Variants in WDR7 observed in about 807,000 individuals in gnomAD.
The protein encoded by WDR7 is WD repeat domain 7, also known as WD repeat-containing protein 7.
WDR7 carries 46 observed loss-of-function variants against 169.4 expected under a neutral mutation model. That is an observed-to-expected ratio of 0.27 (90% CI 0.21 to 0.35). The LOEUF (loss-of-function observed/expected upper bound fraction) is 0.35, where lower values mean the gene tolerates loss of function less well. Among genes scored for constraint, WDR7 ranks in the 10% least tolerant of loss-of-function variants. The probability of loss-of-function intolerance (pLI) is 1.00; values close to 1 mark genes in which losing one functional copy is unlikely to be tolerated. For synonymous variants in WDR7, 612 were observed against 666.8 expected, an observed-to-expected ratio of 0.92 and a Z score of 1.27; for missense variants, 1,534 against 1,859.3, an observed-to-expected ratio of 0.83 and a Z score of 3.22.
intron 25 of WDR7, among the ~76,000 whole-genome samples, chr18:56,948,535 T>G (rs1424195344): frequency 6.6e-6 from 1 of 152,208 alleles, no homozygotes; most frequent in Admixed American, 6.5e-5. Context: ...CTATGGCGCT[T>G]CATGTGTTTA....
chr18:56,783,263 AAG>A (rs1001050692), intron 19 of WDR7, among the ~76,000 whole-genome samples: 1 of 152,126 alleles, frequency 6.6e-6, no homozygotes, highest in African/African-American at 2.4e-5. Context: ...GAATATAAAA[AAG>A]AGTTTCAAAA....
At chr18:56,678,909 T>G (rs519979) in intron 2 of WDR7, among the ~76,000 whole-genome samples, 9 of 152,258 alleles carry the variant, frequency 5.9e-5, no homozygotes, top group African/African-American at 2.2e-4. Flanking sequence ...ATCCTTTCCC[T>G]CACACAAATG....
At chr18:56,657,933 G>T (rs28673413) in intron 1 of WDR7, among the ~76,000 whole-genome samples, 2,172 of 144,528 alleles carry the variant, frequency 0.015, 44 homozygotes, top group African/African-American at 0.05. Context: ...AATTACAGGG[G>T]TTTTTTTTTT....
intron 2 of WDR7, among the ~76,000 whole-genome samples, chr18:56,678,060 A>C (rs1000625943): frequency 2.0e-5 from 3 of 152,154 alleles, no homozygotes; most frequent in Admixed American, 1.3e-4. Flanking sequence ...ATTCTGATAC[A>C]TTCTTTAGTA....
downstream of WDR7, chr18:57,030,593 C>T (rs2048435649): frequency 6.6e-6 from 1 of 152,166 alleles, no homozygotes; most frequent in African/African-American, 2.4e-5. Flanking sequence ...GAACTTTCAC[C>T]TTTCACCCCT....
chr18:56,949,790 A>T (rs1279630904), intron 25 of WDR7, among the ~76,000 whole-genome samples: 1 of 152,186 alleles, frequency 6.6e-6, no homozygotes, highest in East Asian at 1.9e-4. Context: ...TGGTCTTCGG[A>T]GAATGTTGGT....
chr18:56,755,957 G>A (rs1423466735), intron 14 of WDR7, among the ~76,000 whole-genome samples: 1 of 152,202 alleles, frequency 6.6e-6, no homozygotes, highest in Non-Finnish European at 1.5e-5. Flanking sequence ...GAGAGGGACT[G>A]AAGAATTTTC....
intron 9 of WDR7, among the ~76,000 whole-genome samples, chr18:56,693,681 C>T (rs962181088): frequency 6.7e-6 from 1 of 148,170 alleles, no homozygotes; most frequent in East Asian, 2.0e-4. Context: ...AAGCGATTCT[C>T]CTGCCTCAGC....
rs753211755 is a variant in WDR7 at position 56,816,024 on chromosome 18, G to A, written c.3191-7G>A. On this transcript the variant is annotated splice_polypyrimidine_tract_variant and splice_region_variant and intron_variant, in intron 19 of 27. Transcript: ENST00000254442. ...AAGTGAAGCCTTGTGATTCATATTT[G>A]TTTTAGCTGGAGTCACATCAGAAGC... The A allele has an allele frequency of 4.4e-6, 7 of 1,577,140 alleles. No individual in the cohort carries two copies. The highest frequency in any genetic ancestry group is 6.0e-6 in the Non-Finnish European group (7 of 1,167,026).
At chr18:56,755,301 AT>A (rs2043867654) in intron 14 of WDR7, among the ~76,000 whole-genome samples, 1 of 152,092 alleles carries the variant, frequency 6.6e-6, no homozygotes, top group Non-Finnish European at 1.5e-5. Flanking sequence ...CTATATTGTG[AT>A]TTAGTTTTTA....
At chr18:56,930,085 A>G (rs2145668775) in intron 22 of WDR7, among the ~76,000 whole-genome samples, 1 of 152,300 alleles carries the variant, frequency 6.6e-6, no homozygotes, top group East Asian at 1.9e-4. Context: ...GGCGAGCATC[A>G]CATACTGCCA....
intron 1 of WDR7, among the ~76,000 whole-genome samples, chr18:56,669,775 T>C (rs184667059): frequency 4.8e-4 from 73 of 152,176 alleles, no homozygotes; most frequent in African/African-American, 1.5e-3. Context: ...CATAAAAATA[T>C]AATTTTTTTT....
chr18:56,656,425 G>A (rs987734157), intron 1 of WDR7, among the ~76,000 whole-genome samples: 9 of 151,616 alleles, frequency 5.9e-5, no homozygotes, highest in South Asian at 2.1e-4. Flanking sequence ...GACTACAAGC[G>A]CATGCCACCA....
chr18:56,833,278 A>G (rs1568221194), intron 20 of WDR7, among the ~76,000 whole-genome samples: 1 of 151,988 alleles, frequency 6.6e-6, no homozygotes, highest in Non-Finnish European at 1.5e-5. Flanking sequence ...TTGTGAAGGC[A>G]AGATTAGAGA....
At chr18:56,854,993 G>A (rs2045697140) in intron 20 of WDR7, among the ~76,000 whole-genome samples, 2 of 152,266 alleles carry the variant, frequency 1.3e-5, no homozygotes, top group East Asian at 3.9e-4. Context: ...CTCAGGACTG[G>A]AATTGCTGTG....
At chr18:56,819,999 C>T (rs542912616) in intron 20 of WDR7, among the ~76,000 whole-genome samples, 13 of 152,060 alleles carry the variant, frequency 8.5e-5, no homozygotes, top group Admixed American at 2.6e-4. Context: ...CTAAAGCTGA[C>T]GTACATAGAA....
At chr18:56,818,017 A>G (rs1490932783) in intron 20 of WDR7, among the ~76,000 whole-genome samples, 1 of 152,232 alleles carries the variant, frequency 6.6e-6, no homozygotes, top group African/African-American at 2.4e-5. Context: ...TGCTGGGATT[A>G]CAGGCATGAG....
At chr18:56,767,844 T>C (rs13381357) in intron 16 of WDR7, among the ~76,000 whole-genome samples, 289 of 152,324 alleles carry the variant, frequency 1.9e-3, no homozygotes, top group African/African-American at 6.7e-3. Context: ...ACCAGCACTT[T>C]TTAACTCTAG....
chr18:56,685,857 T>C, intron 5 of WDR7, 99 bp from the exon 6 acceptor site: 15 of 914,950 alleles, frequency 1.6e-5, no homozygotes, highest in Non-Finnish European at 2.5e-5. Context: ...TTGTAAAACA[T>C]GCTATTGTTT....
Sources: gnomAD v4.1 joint callset for allele counts (sites outside exome capture counted in the v4.1 genomes callset) on GRCh38, gnomAD v4.1.1 for gene constraint, MANE v1.5 for transcripts, NCBI Gene and HGNC (gene_info 2026-07-23, HGNC 2026-07-21) for gene names.